The following CC2D2B variants were observed in gnomAD, a reference collection of about 807,000 sequenced individuals.
CC2D2B encodes the protein coiled-coil and C2 domain containing 2B, also known as protein CC2D2B.
A neutral mutation model predicts 161.2 loss-of-function variants in CC2D2B; 128 were observed. The observed-to-expected ratio is 0.79, with a 90% CI of 0.69 to 0.92. CC2D2B has a LOEUF of 0.92. Ranked by LOEUF, CC2D2B falls within the 40% of genes least tolerant of loss-of-function variation. The pLI is 0.00. For missense variants in CC2D2B, 1,173 were observed against 1,375.1 expected (o/e 0.85, Z 2.32); for synonymous variants, 391 against 449.8 (o/e 0.87, Z 1.65).
intron 33 of CC2D2B, among the ~76,000 whole-genome samples, chr10:96,026,218 T>C (rs1245859756): frequency 1.3e-5 from 2 of 152,146 alleles, no homozygotes; most frequent in Non-Finnish European, 2.9e-5. Context: ...AGTTAGAGAA[T>C]CAATGCCACA....
Position 96,029,280 on chromosome 10 carries a change from ATATATGTATATATATATATATAT to A in CC2D2B, c.4125+1892_4125+1914del, listed in dbSNP as rs1564689254. 1.4e-4 allele frequency among the ~76,000 whole-genome samples: 7 copies of A among 50,940 alleles called. 1 individual carries two copies. The South Asian group carries it at 4.2e-3, about 30-fold the overall frequency. The allele number at this position is 50,940 out of a possible 152,430, so 33.4% of individuals were successfully genotyped here. A position where few individuals can be genotyped will look rare whatever the true frequency, so the allele number is the denominator to read the frequency against. The stretch of plus-strand genomic sequence containing the variant: ...TATATATATATATATATATATATAT[ATATATGTATATATATATATATAT>A]ATGTATATCTATATATGTACTATGT... On this transcript the variant is annotated intron_variant, in intron 34 of 34. Transcript: ENST00000646931.
At chr10:95,972,378 G>A (rs2077166063) in intron 16 of CC2D2B, among the ~76,000 whole-genome samples, 162 bp downstream of exon 16, 1 of 152,142 alleles carries the variant, frequency 6.6e-6, no homozygotes, top group Non-Finnish European at 1.5e-5. Flanking sequence ...ATGAAGTGCA[G>A]TGGCTCGATC....
At chr10:95,965,371 CTAGTAG>C (rs1353809142) in intron 12 of CC2D2B, among the ~76,000 whole-genome samples, 1 of 151,952 alleles carries the variant, frequency 6.6e-6, no homozygotes, top group Non-Finnish European at 1.5e-5. Flanking sequence ...TAAGGATTAG[CTAGTAG>C]TAGTAGTAAT....
At chr10:95,929,266 G>A (rs528916193) in intron 6 of CC2D2B, among the ~76,000 whole-genome samples, 82 of 152,100 alleles carry the variant, frequency 5.4e-4, no homozygotes, top group Non-Finnish European at 7.9e-4. Flanking sequence ...TTGTAAATTT[G>A]TTTAAGTTAT....
intron 22 of CC2D2B, among the ~76,000 whole-genome samples, chr10:95,993,952 G>GTATA (rs1169560460): frequency 1.3e-3 from 24 of 18,090 alleles, no homozygotes; most frequent in South Asian, 2.4e-3. Context: ...GTATGTATGT[G>GTATA]TATATATATA....
chr10:96,019,170 C>G (rs780263590), intron 30 of CC2D2B, 33 bp from the exon 31 acceptor site: 6 of 1,524,228 alleles, frequency 3.9e-6, no homozygotes, highest in Non-Finnish European at 5.3e-6. Context: ...TTATTTAAAT[C>G]CACCAAAAAT....
chr10:95,972,197 C>T lies in CC2D2B; in HGVS notation c.1776C>T (p.Ala592=), dbSNP rs960341135. The T allele has an allele frequency of 1.5e-5, 18 of 1,231,884 alleles. No homozygotes were observed. Among genetic ancestry groups the T allele is most frequent in the Non-Finnish European group, 1.7e-5 (17 of 987,900 alleles). The allele number at this position is 1,231,884 out of a possible 1,614,324, so 76.3% of individuals were successfully genotyped here. Reference sequence around the variant, plus strand: ...GCTCTGATAAGCTGGTCATGCCTGCCGATGGAGAAGTAGGAAGCAGTGAGT... The same window carrying T: ...GCTCTGATAAGCTGGTCATGCCTGCTGATGGAGAAGTAGGAAGCAGTGAGT... ...EFSSDKLVMP[A]DGEVGSNVPF... Residue 592 remains alanine (A), a synonymous_variant, in exon 16 of 35, where the codon GCC becomes GCT. Coordinates refer to ENST00000646931, the MANE Select transcript of CC2D2B (RefSeq NM_001349008.3).
At chr10:95,925,822 A>G (rs890343866) in intron 5 of CC2D2B, among the ~76,000 whole-genome samples, 6 of 152,204 alleles carry the variant, frequency 3.9e-5, no homozygotes, top group African/African-American at 1.4e-4. Context: ...AGAAAGAACC[A>G]AAGGATTTTA....
chr10:95,989,357 G>T (rs114294197), intron 20 of CC2D2B, among the ~76,000 whole-genome samples: 472 of 152,290 alleles, frequency 3.1e-3, no homozygotes, highest in African/African-American at 0.011. Context: ...TGTTCTTCTA[G>T]TTCGTACACC....
intron 6 of CC2D2B, among the ~76,000 whole-genome samples, chr10:95,936,367 G>C (rs575816922): frequency 7.9e-5 from 12 of 152,324 alleles, no homozygotes; most frequent in Admixed American, 7.2e-4. Context: ...CCTGCTGGGA[G>C]AAAGGGGAGC....
In CC2D2B at chr10:96,012,501, C is replaced by A. The variant is rs754697471; in HGVS notation, c.3229-31C>A. The A allele has an allele frequency of 5.5e-6, 8 of 1,466,342 alleles. No individual in the cohort carries two copies. In the Admixed American group the frequency reaches 1.0e-4, roughly 19 times the overall value. The allele number at this position is 1,466,342 out of a possible 1,614,324, so 90.8% of individuals were successfully genotyped here. A position where few individuals can be genotyped will look rare whatever the true frequency, so the allele number is the denominator to read the frequency against. On this transcript the variant is annotated intron_variant, in intron 27 of 34. Transcript: ENST00000646931. ...ATTTTCTTGTGAGAACAATACAGTA[C>A]AATTCTGAAATACTTTACATTTTAT...
chr10:95,962,763 G>GTTT lies in CC2D2B; in HGVS notation c.1250+811_1250+813dup, dbSNP rs35198734. Among the ~76,000 whole-genome samples the GTTT allele has an allele frequency of 9.8e-4, 128 of 130,784 alleles. 1 individual carries two copies. The highest frequency in any genetic ancestry group is 4.3e-3 in the Middle Eastern group (1 of 234). The allele number at this position is 130,784 out of a possible 152,430, so 85.8% of individuals were successfully genotyped here. On this transcript the variant is annotated intron_variant, in intron 12 of 34. Transcript: ENST00000646931. ...TTGATTTTTTTTTCTTGCTGCAGTA[G>GTTT]TTTTTTTTTTTTTTTTTTTAACAAA...
chr10:96,029,302 A>G (rs1322487671), intron 34 of CC2D2B, among the ~76,000 whole-genome samples: 3 of 124,892 alleles, frequency 2.4e-5, no homozygotes, highest in African/African-American at 5.9e-5. Flanking sequence ...ATATATATAT[A>G]TATGTATATC....
intron 12 of CC2D2B, among the ~76,000 whole-genome samples, chr10:95,962,236 A>G (rs769217340): frequency 2.6e-5 from 4 of 152,290 alleles, no homozygotes; most frequent in Middle Eastern, 3.4e-3. Flanking sequence ...AAGAATGTGT[A>G]TGGATGGGAA....
At chr10:95,978,823 A>G (rs987002263) in intron 17 of CC2D2B, among the ~76,000 whole-genome samples, 1 of 152,018 alleles carries the variant, frequency 6.6e-6, no homozygotes, top group African/African-American at 2.4e-5. Flanking sequence ...TTTGATTTTT[A>G]TGTTATAATT....
chr10:95,986,932 C>G (rs2077753378), intron 19 of CC2D2B, among the ~76,000 whole-genome samples: 1 of 152,080 alleles, frequency 6.6e-6, no homozygotes, highest in African/African-American at 2.4e-5. Context: ...AATTAAAAAC[C>G]TACAGATTAG....
At chr10:95,920,530 G>T (rs1430028329) in intron 2 of CC2D2B, 1 of 151,984 alleles carries the variant, frequency 6.6e-6, no homozygotes. Flanking sequence ...GATTTGGGTG[G>T]GAACACAAAG....
intron 5 of CC2D2B, among the ~76,000 whole-genome samples, chr10:95,926,014 T>G (rs2098537725): frequency 6.6e-6 from 1 of 152,198 alleles, no homozygotes; most frequent in Non-Finnish European, 1.5e-5. Flanking sequence ...TGCAAGGTTT[T>G]TTTTTTTAAA....
At chr10:95,914,590 G>C (rs2098512534) in intron 2 of CC2D2B, among the ~76,000 whole-genome samples, 1 of 152,146 alleles carries the variant, frequency 6.6e-6, no homozygotes, top group African/African-American at 2.4e-5. Context: ...TCTTGTTATA[G>C]TGAGTGAGTG....
Sources: gnomAD v4.1 joint callset for allele counts (sites outside exome capture counted in the v4.1 genomes callset) on GRCh38, gnomAD v4.1.1 for gene constraint, MANE v1.5 for transcripts, NCBI Gene and HGNC (gene_info 2026-07-23, HGNC 2026-07-21) for gene names.